The following NUBPL variants were observed in gnomAD, a reference collection of about 807,000 sequenced individuals.
The protein encoded by NUBPL is iron-sulfur cluster transfer protein NUBPL.
In NUBPL, 31 loss-of-function variants were observed where a neutral mutation model predicts 45.7. The ratio of observed to expected loss-of-function variants is 0.68; its 90% CI spans 0.51 to 0.92. NUBPL has a LOEUF of 0.92. Ranked by LOEUF, NUBPL falls within the 40% of genes least tolerant of loss-of-function variation. The pLI is 0.00. For synonymous variants in NUBPL, 144 were observed against 140.9 expected (o/e 1.02, Z -0.15); for missense variants, 401 against 398.7 (o/e 1.01, Z -0.05).
chr14:31,687,247 G>C (rs556655664), intron 6 of NUBPL, among the ~76,000 whole-genome samples: 1 of 152,232 alleles, frequency 6.6e-6, no homozygotes, highest in South Asian at 2.1e-4. Flanking sequence ...ATTTTTTGCA[G>C]ATTTGGAACA....
At chr14:31,768,434 T>C (rs1399981696) in intron 6 of NUBPL, among the ~76,000 whole-genome samples, 2 of 152,266 alleles carry the variant, frequency 1.3e-5, no homozygotes, top group East Asian at 3.8e-4. Flanking sequence ...AGCTCTCATT[T>C]TGAAATGTAT....
At chr14:31,702,091 TCA>T (rs979195812) in intron 6 of NUBPL, among the ~76,000 whole-genome samples, 11 of 152,190 alleles carry the variant, frequency 7.2e-5, no homozygotes, top group Non-Finnish European at 1.3e-4. Context: ...GATGTTATAC[TCA>T]CACTTATAGT....
intron 7 of NUBPL, among the ~76,000 whole-genome samples, chr14:31,826,298 T>C (rs1323051873): frequency 6.6e-6 from 1 of 152,022 alleles, no homozygotes; most frequent in African/African-American, 2.4e-5. Context: ...TTTTTGTATT[T>C]TTAGTAGTTA....
chr14:31,638,863 C>G (rs908083840), intron 4 of NUBPL, among the ~76,000 whole-genome samples: 2 of 152,228 alleles, frequency 1.3e-5, no homozygotes, highest in African/African-American at 4.8e-5. Context: ...ACCCTTTCTT[C>G]CAGTTGATCG....
intron 6 of NUBPL, among the ~76,000 whole-genome samples, chr14:31,720,278 G>A (rs774176333): frequency 2.6e-5 from 4 of 152,106 alleles, no homozygotes; most frequent in Non-Finnish European, 5.9e-5. Flanking sequence ...CAATAATAAC[G>A]TGCATAGCTG....
In NUBPL at chr14:31,673,361, T is replaced by A; in HGVS notation, c.389T>A (p.Leu130Gln). 6.2e-7 allele frequency: 1 copy of A among 1,602,498 alleles called. No homozygotes were observed. The highest frequency in any genetic ancestry group is 8.5e-7 in the Non-Finnish European group (1 of 1,173,232). Reference protein sequence around the residue: ...KGNPELSQSNLMRPLLNYGIA... With the variant: ...KGNPELSQSNQMRPLLNYGIA... ...GGATTTTTTTTTTTTCCAGGCAACC[T>A]AATGAGGCCTCTCTTGAATTATGGT... is the stretch of plus-strand genomic sequence containing the variant. The change falls in exon 5 of 11, where the codon CTA becomes CAA. Residue 130 changes from leucine (L) to glutamine (Q), a missense_variant. Coordinates refer to ENST00000281081, the MANE Select transcript of NUBPL (RefSeq NM_025152.3).
chr14:31,841,552 G>T (rs199694043), intron 8 of NUBPL, among the ~76,000 whole-genome samples: 1 of 149,128 alleles, frequency 6.7e-6, no homozygotes. Flanking sequence ...TATGTGTATT[G>T]TATATACCAT....
At chr14:31,730,299 G>C (rs1472396167) in intron 6 of NUBPL, among the ~76,000 whole-genome samples, 1 of 152,022 alleles carries the variant, frequency 6.6e-6, no homozygotes, top group Non-Finnish European at 1.5e-5. Context: ...AAGACTGAGG[G>C]GTGTAAGTCA....
chr14:31,564,224 C>T (rs2033375067), intron 2 of NUBPL, among the ~76,000 whole-genome samples: 1 of 152,178 alleles, frequency 6.6e-6, no homozygotes, highest in African/African-American at 2.4e-5. Context: ...TTTGGGACTA[C>T]TGCTTTCCTT....
At chr14:31,774,700 CATT>C (rs1269521616) in intron 6 of NUBPL, among the ~76,000 whole-genome samples, 3 of 152,188 alleles carry the variant, frequency 2.0e-5, no homozygotes, top group Non-Finnish European at 1.5e-5. Flanking sequence ...GATTATTAGA[CATT>C]ATTTTGAGTG....
chr14:31,613,259 G>A (rs2034808445), intron 4 of NUBPL, among the ~76,000 whole-genome samples: 1 of 152,140 alleles, frequency 6.6e-6, no homozygotes, highest in Non-Finnish European at 1.5e-5. Flanking sequence ...TTGAACTCAT[G>A]GACAGAGAGA....
chr14:31,609,488 A>G (rs1273545838), intron 4 of NUBPL, among the ~76,000 whole-genome samples: 1 of 152,218 alleles, frequency 6.6e-6, no homozygotes, highest in Non-Finnish European at 1.5e-5. Context: ...GGAGACTTCA[A>G]TACCCCACTT....
chr14:31,789,501 A>T (rs2138824729), intron 7 of NUBPL, among the ~76,000 whole-genome samples: 1 of 152,252 alleles, frequency 6.6e-6, no homozygotes, highest in African/African-American at 2.4e-5. Context: ...CTGTTTTATG[A>T]TACGAAATTT....
chr14:31,636,238 A>G (rs7161641), intron 4 of NUBPL, among the ~76,000 whole-genome samples: 150,653 of 151,320 alleles, frequency 1, 74,998 homozygotes, highest in Non-Finnish European at 1. Flanking sequence ...TGTCATAGAT[A>G]GCTCTTATTA....
chr14:31,706,306 C>T (rs745478244), intron 6 of NUBPL, among the ~76,000 whole-genome samples: 9 of 152,158 alleles, frequency 5.9e-5, no homozygotes, highest in African/African-American at 1.2e-4. Flanking sequence ...GCCAGCGGAT[C>T]GGTCCAGGGG....
intron 4 of NUBPL, among the ~76,000 whole-genome samples, chr14:31,673,059 C>G (rs1319963244): frequency 2.0e-5 from 3 of 152,114 alleles, no homozygotes; most frequent in Non-Finnish European, 4.4e-5. Context: ...CTATTGTTAA[C>G]AATCATTTTT....
intron 4 of NUBPL, among the ~76,000 whole-genome samples, chr14:31,651,045 C>T (rs191101071): frequency 1.3e-5 from 2 of 152,296 alleles, no homozygotes; most frequent in Admixed American, 1.3e-4. Flanking sequence ...CTCATTAATC[C>T]CTGCCTCTAA....
intron 4 of NUBPL, among the ~76,000 whole-genome samples, chr14:31,615,008 A>C (rs950351135): frequency 2.6e-5 from 4 of 152,158 alleles, no homozygotes; most frequent in Non-Finnish European, 4.4e-5. Flanking sequence ...ATGGTGATAT[A>C]GTTTGGCTCT....
chr14:31,809,195 C>T (rs12879432), intron 7 of NUBPL, among the ~76,000 whole-genome samples: 53,538 of 152,048 alleles, frequency 0.35, 10,152 homozygotes, highest in South Asian at 0.44. Context: ...AGGAATGGTA[C>T]CAGCTCCTCT....
Sources: gnomAD v4.1 joint callset for allele counts (sites outside exome capture counted in the v4.1 genomes callset) on GRCh38, gnomAD v4.1.1 for gene constraint, MANE v1.5 for transcripts, NCBI Gene and HGNC (gene_info 2026-07-23, HGNC 2026-07-21) for gene names.